The following TPRG1 variants were observed in gnomAD, a reference collection of about 807,000 sequenced individuals.
The protein encoded by TPRG1 is tumor protein p63 regulated 1.
TPRG1 carries 29 observed loss-of-function variants against 29.3 expected under a neutral mutation model. The observed-to-expected ratio is 0.99, with a 90% CI of 0.74 to 1.35. The LOEUF (loss-of-function observed/expected upper bound fraction) is 1.35. Ranked by LOEUF, TPRG1 falls within the 40% of genes most tolerant of loss-of-function variation. The pLI, the probability that TPRG1 is intolerant of heterozygous loss-of-function variation, is 0.00. For missense variants in TPRG1, 327 were observed against 335.0 expected, an observed-to-expected ratio of 0.98 and a Z score of 0.19; for synonymous variants, 130 against 116.8, an observed-to-expected ratio of 1.11 and a Z score of -0.73.
chr3:189,064,458 A>T (rs774505817), intron 4 of TPRG1, among the ~76,000 whole-genome samples: 2 of 152,164 alleles, frequency 1.3e-5, no homozygotes, highest in African/African-American at 4.8e-5. Flanking sequence ...CAATAATCTA[A>T]ATTTCTTTCA....
intron 4 of TPRG1, among the ~76,000 whole-genome samples, chr3:189,243,375 A>T (rs1740917226): frequency 6.6e-6 from 1 of 152,178 alleles, no homozygotes; most frequent in African/African-American, 2.4e-5. Context: ...CACTTCTAAC[A>T]CTGGGGGTTT....
chr3:189,180,219 G>A (rs1730032210), intron 1 of TPRG1, among the ~76,000 whole-genome samples: 2 of 152,130 alleles, frequency 1.3e-5, no homozygotes, highest in Admixed American at 6.5e-5. Flanking sequence ...TTTGGGTGGG[G>A]ACAGAGCCAA....
intron 1 of TPRG1, chr3:189,100,235 C>T (rs988754661): frequency 6.6e-6 from 1 of 152,300 alleles, no homozygotes; most frequent in Non-Finnish European, 1.5e-5. Context: ...TGCCCCACAC[C>T]CAGCTTCAGT....
chr3:189,252,272 G>A (rs1166421442), intron 4 of TPRG1, among the ~76,000 whole-genome samples: 1 of 152,154 alleles, frequency 6.6e-6, no homozygotes, highest in East Asian at 1.9e-4. Flanking sequence ...GCAAAATGGA[G>A]TCTCCTATGT....
In TPRG1 at chr3:189,128,831, G is replaced by A. The variant is rs930659782; in HGVS notation, c.-590+1621G>A. Among the ~76,000 whole-genome samples, 47 of 152,114 alleles carry A rather than the reference G, an allele frequency of 3.1e-4. 2 individuals are homozygous for A. The highest frequency in any genetic ancestry group is 2.4e-5 in the African/African-American group (1 of 41,428). On this transcript the variant is annotated intron_variant, in intron 2 of 6. Coordinates refer to the TPRG1 transcript ENST00000412373. Reference sequence around the variant, plus strand: ...GTTGTCCAGGCTGGAGTGCAAGGGCGCAATCTCGGCTCACTGCAACTTCCA... The same window carrying A: ...GTTGTCCAGGCTGGAGTGCAAGGGCACAATCTCGGCTCACTGCAACTTCCA...
intron 4 of TPRG1, among the ~76,000 whole-genome samples, chr3:189,056,051 T>G (rs1245753239): frequency 1.8e-5 from 2 of 112,468 alleles, no homozygotes; most frequent in Non-Finnish European, 3.7e-5. Flanking sequence ...CTTCCTTCCT[T>G]CCTTCCTTCC....
chr3:189,225,117 G>C (rs1361983066), intron 3 of TPRG1, among the ~76,000 whole-genome samples: 2 of 152,008 alleles, frequency 1.3e-5, no homozygotes, highest in African/African-American at 4.8e-5. Context: ...ATTTTTAGTA[G>C]AGATGGGGTT....
intron 4 of TPRG1, among the ~76,000 whole-genome samples, chr3:189,290,775 T>C (rs1201826477): frequency 6.6e-6 from 1 of 152,206 alleles, no homozygotes; most frequent in African/African-American, 2.4e-5. Context: ...CCTCTCATAA[T>C]AGTGAGTACA....
At chr3:189,058,180 A>G (rs1715861373) in intron 4 of TPRG1, among the ~76,000 whole-genome samples, 1 of 152,080 alleles carries the variant, frequency 6.6e-6, no homozygotes. Context: ...TATGTCCCCA[A>G]TCACATATCA....
chr3:189,230,744 C>T (rs991814975), intron 3 of TPRG1, among the ~76,000 whole-genome samples: 50 of 152,234 alleles, frequency 3.3e-4, no homozygotes, highest in Admixed American at 3.2e-3. Flanking sequence ...ACCACTAGTG[C>T]CTGGAGTGCA....
At position 189,292,823 on chromosome 3, in the gene TPRG1, C is replaced by A. The variant is rs146781453; in HGVS notation, c.480-17563C>A. On this transcript the variant is annotated intron_variant, in intron 4 of 5. Transcript: ENST00000345063. ...TTTGTTATTAAATACTACCTGGCAA[C>A]GAGCAGAGATGGCTGGCCAGATTAT... 9.5e-4 allele frequency among the ~76,000 whole-genome samples: 144 copies of A among 152,214 alleles called. 1 individual carries two copies. Among genetic ancestry groups the A allele is most frequent in the Non-Finnish European group, 1.7e-3 (115 of 67,996 alleles).
At chr3:189,316,675 A>G (rs1233483113) in intron 5 of TPRG1, among the ~76,000 whole-genome samples, 1 of 152,152 alleles carries the variant, frequency 6.6e-6, no homozygotes, top group Non-Finnish European at 1.5e-5. Context: ...CCCACCACGC[A>G]CACTGCTGCT....
intron 5 of TPRG1, chr3:189,315,583 G>A: frequency 2.3e-6 from 1 of 440,260 alleles, no homozygotes; most frequent in Non-Finnish European, 4.6e-6. Flanking sequence ...CAACCATCAT[G>A]ATCTACAGAC....
chr3:189,315,028 C>T (rs1167955464), intron 5 of TPRG1, among the ~76,000 whole-genome samples: 1 of 152,098 alleles, frequency 6.6e-6, no homozygotes, highest in African/African-American at 2.4e-5. Flanking sequence ...TACCTATAAT[C>T]CCAGCTACTT....
rs996403626 is a variant in TPRG1 at position 189,020,537 on chromosome 3, G to A, written c.-659-3213G>A. Among the ~76,000 whole-genome samples the A allele has an allele frequency of 4.0e-5, 6 of 151,516 alleles. No individual in the cohort carries two copies. The South Asian group carries it at 6.3e-4, about 16-fold the overall frequency. On this transcript the variant is annotated intron_variant, in intron 3 of 10. Transcript: ENST00000433971. ...TTGTTCAGTTTCCATGTAGTTGAGCGGTTTTGATTGAGATTCTTAATCCTG... is the reference window on the plus strand; with the variant it reads ...TTGTTCAGTTTCCATGTAGTTGAGCAGTTTTGATTGAGATTCTTAATCCTG...
At chr3:189,096,278 T>C (rs1461083769), upstream of TPRG1, among the ~76,000 whole-genome samples, 1 of 152,204 alleles carries the variant, frequency 6.6e-6, no homozygotes, top group Non-Finnish European at 1.5e-5. Flanking sequence ...GTCTTTTCTT[T>C]GGTTTTGTTT....
chr3:189,005,465 AT>A (rs1712240080), intron 3 of TPRG1, among the ~76,000 whole-genome samples: 1 of 152,046 alleles, frequency 6.6e-6, no homozygotes, highest in Non-Finnish European at 1.5e-5. Flanking sequence ...TTCCAAGAAA[AT>A]TTTCAAATCA....
At chr3:189,257,023 A>G (rs1334251595) in intron 4 of TPRG1, among the ~76,000 whole-genome samples, 3 of 152,162 alleles carry the variant, frequency 2.0e-5, no homozygotes, top group East Asian at 3.8e-4. Flanking sequence ...TAATATTGTT[A>G]TGTGTGAATT....
At chr3:189,240,225 A>AT (rs1398170475) in intron 4 of TPRG1, 1 of 152,076 alleles carries the variant, frequency 6.6e-6, no homozygotes, top group Non-Finnish European at 1.5e-5. Flanking sequence ...AAAACTGTTG[A>AT]TTTTTTTCAA....
Sources: allele counts gnomAD v4.1 joint callset (sites outside exome capture counted in the v4.1 genomes callset), GRCh38; gene constraint gnomAD v4.1.1; transcripts MANE v1.5; gene names NCBI Gene and HGNC (gene_info 2026-07-23, HGNC 2026-07-21).